Variants in NAALADL2 observed in about 807,000 individuals in gnomAD.
The protein encoded by NAALADL2 is inactive N-acetylated-alpha-linked acidic dipeptidase-like protein 2.
Under a neutral mutation model 87.2 loss-of-function variants are expected in NAALADL2, and 76 were observed. That is an observed-to-expected ratio of 0.87 (90% confidence interval 0.72 to 1.05). The LOEUF (loss-of-function observed/expected upper bound fraction) is 1.05. NAALADL2 is among the 50% of genes least tolerant of loss of function. The pLI is 0.00. For missense variants in NAALADL2, 1,089 were observed against 945.8 expected (o/e 1.15, Z -1.99); for synonymous variants, 354 against 331.0 (o/e 1.07, Z -0.75).
At chr3:175,021,893 T>G (rs1020770209) in intron 1 of NAALADL2, among the ~76,000 whole-genome samples, 2 of 152,076 alleles carry the variant, frequency 1.3e-5, no homozygotes, top group Non-Finnish European at 2.9e-5. Context: ...AGATCTCAAG[T>G]TGAAATGTGA....
intron 9 of NAALADL2, among the ~76,000 whole-genome samples, chr3:175,504,563 GTTTCTCTCTCTCTCTCTCTCTCTCTC>G (rs1560667723): frequency 1.7e-5 from 1 of 59,674 alleles, no homozygotes; most frequent in Non-Finnish European, 3.7e-5. Context: ...GTCTCTCTCT[GTTTCTCTCTCTCTCTCTCTCTCTCTC>G]TCTCTCTCTC....
At chr3:174,586,809 T>C (rs1515598) in intron 2 of NAALADL2, among the ~76,000 whole-genome samples, 77,979 of 151,986 alleles carry the variant, frequency 0.51, 22,529 homozygotes, top group East Asian at 0.81. Flanking sequence ...ATCTACTATA[T>C]AAAAAGGTAT....
chr3:175,234,319 T>C, intron 3 of NAALADL2, 115 bp downstream of exon 3: 1 of 1,139,094 alleles, frequency 8.8e-7, no homozygotes, highest in Admixed American at 2.6e-5. Context: ...CCATTAAATC[T>C]TTTCAGTGTG....
intron 2 of NAALADL2, among the ~76,000 whole-genome samples, chr3:175,106,126 C>G (rs921047059): frequency 6.6e-6 from 1 of 152,118 alleles, no homozygotes; most frequent in Middle Eastern, 3.4e-3. Context: ...TTATTTTATC[C>G]ATTTGGTTAC....
intron 1 of NAALADL2, among the ~76,000 whole-genome samples, chr3:174,469,415 G>C (rs549273042): frequency 7.9e-5 from 12 of 151,290 alleles, no homozygotes; most frequent in Non-Finnish European, 1.3e-4. Flanking sequence ...GTGCCACCAC[G>C]GCTGGCTAAT....
chr3:175,469,978 A>G (rs1477622709), intron 8 of NAALADL2, among the ~76,000 whole-genome samples: 1 of 152,106 alleles, frequency 6.6e-6, no homozygotes, highest in Non-Finnish European at 1.5e-5. Context: ...CTAATTTTAA[A>G]TGATTGTCTT....
chr3:175,529,229 A>G (rs1025437258), intron 9 of NAALADL2, among the ~76,000 whole-genome samples: 2 of 152,186 alleles, frequency 1.3e-5, no homozygotes, highest in African/African-American at 4.8e-5. Flanking sequence ...ACCCCAGACA[A>G]CACTGTAACT....
At chr3:175,096,604 C>T (rs1406434807) in intron 1 of NAALADL2, among the ~76,000 whole-genome samples, 186 bp from the exon 2 acceptor site, 1 of 150,288 alleles carries the variant, frequency 6.7e-6, no homozygotes, top group African/African-American at 2.5e-5. Flanking sequence ...GTCTTCCTTT[C>T]CTATGGTAAC....
intron 1 of NAALADL2, among the ~76,000 whole-genome samples, chr3:174,540,355 C>T (rs545420919): frequency 6.6e-6 from 1 of 152,304 alleles, no homozygotes; most frequent in African/African-American, 2.4e-5. Flanking sequence ...TGCTTATTCT[C>T]TCTGTTGGTT....
At position 174,952,134 on chromosome 3, in the gene NAALADL2, G is replaced by A. The variant is rs188392314; in HGVS notation, c.43+92684G>A. Among the ~76,000 whole-genome samples the A allele has an allele frequency of 5.9e-5, 9 of 152,120 alleles. No homozygotes were observed. The East Asian group carries it at 1.4e-3, about 23-fold the overall frequency. ...TTGGTACAACTAAATCTCCAGACCC[G>A]TCAGATCCTAATTTGTGATACCACT... On this transcript the variant is annotated intron_variant, in intron 1 of 13. Coordinates refer to ENST00000454872, the MANE Select transcript of NAALADL2 (RefSeq NM_207015.3).
chr3:175,763,903 A>G (rs1429516960), intron 13 of NAALADL2, among the ~76,000 whole-genome samples: 3 of 152,106 alleles, frequency 2.0e-5, no homozygotes, highest in African/African-American at 7.2e-5. Context: ...ACAAAAGGAT[A>G]GGAAATTTGG....
At chr3:175,450,269 G>A (rs1466194724) in intron 6 of NAALADL2, among the ~76,000 whole-genome samples, 4 of 151,898 alleles carry the variant, frequency 2.6e-5, no homozygotes, top group African/African-American at 4.8e-5. Context: ...ACTGAATGAG[G>A]TACTATAATT....
At chr3:175,013,768 G>T (rs975104189) in intron 1 of NAALADL2, among the ~76,000 whole-genome samples, 1 of 151,826 alleles carries the variant, frequency 6.6e-6, no homozygotes, top group African/African-American at 2.4e-5. Flanking sequence ...AACTCTCCTG[G>T]TCTCGTAAGA....
chr3:175,341,132 A>G (rs965613337), intron 5 of NAALADL2, among the ~76,000 whole-genome samples: 26 of 151,866 alleles, frequency 1.7e-4, no homozygotes, highest in African/African-American at 6.0e-4. Context: ...CCCAAAAGAA[A>G]CTCTGTACGC....
At chr3:175,513,725 A>G (rs1731477096) in intron 9 of NAALADL2, among the ~76,000 whole-genome samples, 1 of 152,240 alleles carries the variant, frequency 6.6e-6, no homozygotes, top group Non-Finnish European at 1.5e-5. Context: ...GTCATAGTAC[A>G]ATAGACAGCA....
At chr3:175,234,325 G>T (rs984501636) in intron 3 of NAALADL2, 121 bp downstream of exon 3, 3 of 1,056,274 alleles carry the variant, frequency 2.8e-6, no homozygotes, top group Non-Finnish European at 4.1e-6. Context: ...AATCTTTTCA[G>T]TGTGGAAGTG....
chr3:174,660,380 T>TC (rs1725393095), intron 2 of NAALADL2, among the ~76,000 whole-genome samples: 1 of 152,164 alleles, frequency 6.6e-6, no homozygotes, highest in African/African-American at 2.4e-5. Flanking sequence ...TCAGATACCG[T>TC]ATGATTGGTT....
chr3:174,963,881 A>G (rs574519703), intron 1 of NAALADL2, among the ~76,000 whole-genome samples: 98 of 152,258 alleles, frequency 6.4e-4, no homozygotes, highest in African/African-American at 2.3e-3. Context: ...TAATTTTTCA[A>G]TTATTTACAT....
chr3:175,667,746 T>G (rs1484373220), intron 11 of NAALADL2, among the ~76,000 whole-genome samples: 3 of 149,376 alleles, frequency 2.0e-5, no homozygotes, highest in Admixed American at 6.6e-5. Flanking sequence ...TTTTGCTGTT[T>G]TTTTTTTTTT....
Sources: gnomAD v4.1 joint callset for allele counts (sites outside exome capture counted in the v4.1 genomes callset) on GRCh38, gnomAD v4.1.1 for gene constraint, MANE v1.5 for transcripts, NCBI Gene and HGNC (gene_info 2026-07-23, HGNC 2026-07-21) for gene names.